The following PRKG1 variants were observed in gnomAD, a reference collection of about 807,000 sequenced individuals.
The protein encoded by PRKG1 is cGMP-dependent protein kinase 1.
A neutral mutation model predicts 88.1 loss-of-function variants in PRKG1; 35 were observed. The observed-to-expected ratio is 0.40, with a 90% CI of 0.30 to 0.53. The LOEUF (loss-of-function observed/expected upper bound fraction) is 0.53, where lower values mean the gene tolerates loss of function less well. Among genes scored for constraint, PRKG1 ranks in the 20% least tolerant of loss-of-function variants. PRKG1 has a pLI of 0.59. For missense variants in PRKG1, 540 were observed against 839.8 expected, an observed-to-expected ratio of 0.64 and a Z score of 4.41; for synonymous variants, 303 against 292.5, an observed-to-expected ratio of 1.04 and a Z score of -0.37.
intron 1 of PRKG1, among the ~76,000 whole-genome samples, chr10:51,110,163 C>T (rs936400733): frequency 1.3e-5 from 2 of 151,948 alleles, no homozygotes; most frequent in Non-Finnish European, 2.9e-5. Flanking sequence ...AACTGTTAAA[C>T]ATACATCTAC....
At chr10:51,447,921 C>A (rs1005780936) in intron 2 of PRKG1, among the ~76,000 whole-genome samples, 2 of 152,040 alleles carry the variant, frequency 1.3e-5, no homozygotes, top group Admixed American at 1.3e-4. Context: ...AATGGCTTCT[C>A]ATTAATATGT....
intron 3 of PRKG1, among the ~76,000 whole-genome samples, chr10:51,612,406 G>A (rs1838934528): frequency 1.3e-5 from 2 of 151,788 alleles, no homozygotes; most frequent in South Asian, 4.1e-4. Flanking sequence ...AAATGGGATT[G>A]CCCTCTTGAT....
intron 1 of PRKG1, among the ~76,000 whole-genome samples, chr10:51,016,669 C>CTTTATTTTTTTTTTTTTTTTTTT: frequency 4.4e-5 from 1 of 22,790 alleles, no homozygotes; most frequent in Admixed American, 5.1e-4. Context: ...TATTATTATC[C>CTTTATTTTTTTTTTTTTTTTTTT]TTTCTTTTTT....
chr10:51,463,615 G>A lies in PRKG1; in HGVS notation c.479-4108G>A, dbSNP rs545710888. On this transcript the variant is annotated intron_variant, in intron 2 of 17. Coordinates refer to ENST00000373980, the MANE Select transcript of PRKG1 (RefSeq NM_006258.4). Reference sequence around the variant, plus strand: ...TGAGATTAGGGGTCACTGGGTGTACGCAGAAAGCTTTTATTATTCTTAGCT... The same window carrying A: ...TGAGATTAGGGGTCACTGGGTGTACACAGAAAGCTTTTATTATTCTTAGCT... Among the ~76,000 whole-genome samples, 4 of 152,312 alleles carry A rather than the reference G, an allele frequency of 2.6e-5. No individual in the cohort carries two copies. The South Asian group carries it at 6.2e-4, about 24-fold the overall frequency.
At chr10:51,549,739 C>T (rs1204616793) in intron 3 of PRKG1, among the ~76,000 whole-genome samples, 3 of 152,094 alleles carry the variant, frequency 2.0e-5, no homozygotes, top group Non-Finnish European at 1.5e-5. Flanking sequence ...TGCTCAGTGT[C>T]TTAAGATTAG....
intron 1 of PRKG1, among the ~76,000 whole-genome samples, chr10:51,145,810 G>A (rs1369966012): frequency 6.6e-6 from 1 of 152,154 alleles, no homozygotes; most frequent in Non-Finnish European, 1.5e-5. Flanking sequence ...CAATGACAAT[G>A]AGGTGAGAGT....
At chr10:51,600,977 A>AAGAG (rs10655566) in intron 3 of PRKG1, among the ~76,000 whole-genome samples, 11,290 of 143,314 alleles carry the variant, frequency 0.079, 1,464 homozygotes, top group African/African-American at 0.27. Context: ...GAAGGAGAGA[A>AAGAG]AGGGAGGAGG....
intron 1 of PRKG1, among the ~76,000 whole-genome samples, chr10:51,129,287 C>G (rs1020990084): frequency 1.3e-5 from 2 of 151,810 alleles, no homozygotes; most frequent in Non-Finnish European, 2.9e-5. Context: ...ACCAGCCTGG[C>G]CAACATGACA....
chr10:51,263,492 T>A (rs1839764840), intron 2 of PRKG1, among the ~76,000 whole-genome samples: 1 of 152,232 alleles, frequency 6.6e-6, no homozygotes, highest in East Asian at 1.9e-4. Context: ...CATTCATATC[T>A]GTGGTAGCAT....
chr10:51,592,545 AT>A (rs1838337946), intron 3 of PRKG1, among the ~76,000 whole-genome samples: 1 of 152,168 alleles, frequency 6.6e-6, no homozygotes, highest in Non-Finnish European at 1.5e-5. Flanking sequence ...TGCCGTGATT[AT>A]TGATCAGGGT....
At chr10:51,106,775 G>T (rs1206141078) in intron 1 of PRKG1, among the ~76,000 whole-genome samples, 9 of 152,140 alleles carry the variant, frequency 5.9e-5, no homozygotes, top group Non-Finnish European at 1.2e-4. Context: ...AAAACTTCAT[G>T]GTGGGGACAT....
chr10:51,336,136 T>C (rs544371172), intron 2 of PRKG1, among the ~76,000 whole-genome samples: 2 of 152,076 alleles, frequency 1.3e-5, no homozygotes, highest in Non-Finnish European at 2.9e-5. Flanking sequence ...GCAGGTCACC[T>C]GAACTCAGGA....
intron 3 of PRKG1, among the ~76,000 whole-genome samples, chr10:51,574,995 G>A (rs190424795): frequency 6.6e-6 from 1 of 151,912 alleles, no homozygotes; most frequent in Middle Eastern, 3.2e-3. Context: ...CATTACAGAT[G>A]ATATAGTCAC....
chr10:51,543,263 T>A (rs79631307), intron 3 of PRKG1, among the ~76,000 whole-genome samples: 2,008 of 152,298 alleles, frequency 0.013, 41 homozygotes, highest in African/African-American at 0.045. Context: ...ATAAAGAGTT[T>A]TAAATTCTTG....
chr10:51,707,276 G>T (rs1229676357), intron 3 of PRKG1, among the ~76,000 whole-genome samples: 2 of 152,166 alleles, frequency 1.3e-5, no homozygotes, highest in Non-Finnish European at 2.9e-5. Context: ...GGGCCTGCCT[G>T]AACTTTGACT....
At chr10:51,936,205 A>G (rs946242595) in intron 5 of PRKG1, among the ~76,000 whole-genome samples, 1 of 151,892 alleles carries the variant, frequency 6.6e-6, no homozygotes, top group Non-Finnish European at 1.5e-5. Context: ...GCCTCTTTCC[A>G]TGTGTTGTCT....
intron 2 of PRKG1, among the ~76,000 whole-genome samples, chr10:51,325,344 T>A (rs1395498880): frequency 6.6e-6 from 1 of 152,104 alleles, no homozygotes; most frequent in African/African-American, 2.4e-5. Context: ...CACTGCAACC[T>A]CTGCCTCCTG....
At chr10:51,140,252 A>G (rs1845789340) in intron 1 of PRKG1, among the ~76,000 whole-genome samples, 1 of 152,126 alleles carries the variant, frequency 6.6e-6, no homozygotes, top group South Asian at 2.1e-4. Context: ...TGTCTTAACG[A>G]TATATTTGTT....
chr10:51,457,967 T>C (rs1839634695), intron 2 of PRKG1, among the ~76,000 whole-genome samples: 1 of 152,182 alleles, frequency 6.6e-6, no homozygotes, highest in Non-Finnish European at 1.5e-5. Context: ...GTATAATTGC[T>C]TTTGAGAAAA....
Sources: allele counts gnomAD v4.1 joint callset (sites outside exome capture counted in the v4.1 genomes callset), GRCh38; gene constraint gnomAD v4.1.1; transcripts MANE v1.5; gene names NCBI Gene and HGNC (gene_info 2026-07-23, HGNC 2026-07-21).